CYP7B1: variants seen among roughly 807,000 people sequenced by gnomAD.
CYP7B1 encodes the protein cytochrome P450 family 7 subfamily B member 1.
Under a neutral mutation model 42.7 loss-of-function variants are expected in CYP7B1, and 29 were observed. The ratio of observed to expected loss-of-function variants is 0.68; its 90% CI spans 0.51 to 0.93. The LOEUF (loss-of-function observed/expected upper bound fraction) is 0.93, where lower values mean the gene tolerates loss of function less well. Ranked by LOEUF, CYP7B1 falls within the 40% of genes least tolerant of loss-of-function variation. The probability of loss-of-function intolerance (pLI) is 0.00; values close to 1 mark genes in which losing one functional copy is unlikely to be tolerated. For missense variants in CYP7B1, 655 were observed against 600.5 expected (o/e 1.09, Z -0.95); for synonymous variants, 235 against 218.2 (o/e 1.08, Z -0.68).
chr8:64,743,286 A>G (rs1416703083), intron 1 of CYP7B1, among the ~76,000 whole-genome samples: 1 of 152,214 alleles, frequency 6.6e-6, no homozygotes, highest in Non-Finnish European at 1.5e-5. Flanking sequence ...AGGCTTACTT[A>G]GTAGGCTCTA....
chr8:64,707,132 C>T (rs557548498), intron 1 of CYP7B1, among the ~76,000 whole-genome samples: 2 of 152,026 alleles, frequency 1.3e-5, no homozygotes, highest in East Asian at 3.9e-4. Context: ...ACAAGCCTTC[C>T]AGAGAGAAAA....
chr8:64,719,283 CATT>C (rs1308343846), intron 1 of CYP7B1, among the ~76,000 whole-genome samples: 8 of 152,126 alleles, frequency 5.3e-5, no homozygotes, highest in African/African-American at 1.7e-4. Context: ...AAATTTACAT[CATT>C]AAGATCCCCA....
At position 64,672,347 on chromosome 8, in the gene CYP7B1, T is replaced by C. The variant is rs562454258; in HGVS notation, c.123-47808A>G. Among the ~76,000 whole-genome samples, 32 of 152,228 alleles carry C rather than the reference T, an allele frequency of 2.1e-4. No individual in the cohort carries two copies. The South Asian group carries it at 6.6e-3, about 32-fold the overall frequency. The stretch of plus-strand genomic sequence containing the variant: ...TATGCAATTGCTTTTATCTGACTCA[T>C]TTGAAAGCAATATAGACATGACACT... On this transcript the variant is annotated intron_variant, in intron 1 of 5. Coordinates refer to ENST00000310193, the MANE Select transcript of CYP7B1 (RefSeq NM_004820.5).
intron 1 of CYP7B1, among the ~76,000 whole-genome samples, chr8:64,785,586 G>A (rs530729777): frequency 6.6e-6 from 1 of 152,086 alleles, no homozygotes; most frequent in Admixed American, 6.5e-5. Flanking sequence ...ATATTGCTGA[G>A]TGAAATAAGC....
intron 1 of CYP7B1, among the ~76,000 whole-genome samples, chr8:64,740,963 G>A (rs1029758231): frequency 6.6e-6 from 1 of 152,022 alleles, no homozygotes; most frequent in African/African-American, 2.4e-5. Flanking sequence ...ATTTCTTCCA[G>A]AACACTTCCT....
chr8:64,690,939 C>T lies in CYP7B1; in HGVS notation c.123-66400G>A, dbSNP rs1002396179. On this transcript the variant is annotated intron_variant, in intron 1 of 5. Transcript: ENST00000310193. ...ATATTTATGGCACGAAGGGACTGCA[C>T]ATGTGTAACTGTGCAAAATTCACCA... 3.3e-5 allele frequency among the ~76,000 whole-genome samples: 5 copies of T among 152,162 alleles called. No individual in the cohort carries two copies. In the South Asian group the frequency reaches 8.3e-4, roughly 25 times the overall value.
At chr8:64,781,014 C>T (rs1307742134) in intron 1 of CYP7B1, among the ~76,000 whole-genome samples, 1 of 152,096 alleles carries the variant, frequency 6.6e-6, no homozygotes, top group African/African-American at 2.4e-5. Context: ...AGATGCATAA[C>T]AAACATTCAA....
intron 1 of CYP7B1, among the ~76,000 whole-genome samples, chr8:64,635,027 C>T (rs1179251625): frequency 1.3e-5 from 2 of 152,200 alleles, no homozygotes; most frequent in African/African-American, 2.4e-5. Flanking sequence ...ATGGTCTCTT[C>T]AAGGTTCTAC....
At chr8:64,652,881 A>G (rs1156272935) in intron 1 of CYP7B1, among the ~76,000 whole-genome samples, 1 of 152,094 alleles carries the variant, frequency 6.6e-6, no homozygotes, top group Non-Finnish European at 1.5e-5. Flanking sequence ...AAAACTAAAA[A>G]ACAACAACAT....
At chr8:64,738,546 A>G (rs2129633229) in intron 1 of CYP7B1, among the ~76,000 whole-genome samples, 1 of 152,004 alleles carries the variant, frequency 6.6e-6, no homozygotes, top group South Asian at 2.1e-4. Flanking sequence ...ACACACACAC[A>G]CGCACACACA....
chr8:64,700,912 T>C (rs549223091), intron 1 of CYP7B1, among the ~76,000 whole-genome samples: 5 of 127,110 alleles, frequency 3.9e-5, no homozygotes, highest in African/African-American at 1.4e-4. Context: ...CCAAGGAAAT[T>C]TTAGTCACTT....
chr8:64,739,176 C>T (rs954982015), intron 1 of CYP7B1, among the ~76,000 whole-genome samples: 4 of 152,224 alleles, frequency 2.6e-5, no homozygotes, highest in Admixed American at 1.3e-4. Context: ...TTCTGTCTCA[C>T]CTAAGGGAAT....
chr8:64,617,988 T>A (rs1403745005), intron 2 of CYP7B1, among the ~76,000 whole-genome samples: 1 of 147,184 alleles, frequency 6.8e-6, no homozygotes, highest in Non-Finnish European at 1.5e-5. Context: ...TGTGAGTGGA[T>A]CTAGGATGCC....
At chr8:64,681,675 G>T (rs1386198365) in intron 1 of CYP7B1, among the ~76,000 whole-genome samples, 2 of 152,184 alleles carry the variant, frequency 1.3e-5, no homozygotes, top group Non-Finnish European at 2.9e-5. Context: ...GCAAGGAACA[G>T]AGGCCTGCTA....
chr8:64,712,468 C>A (rs982688629), intron 1 of CYP7B1, among the ~76,000 whole-genome samples: 1 of 151,866 alleles, frequency 6.6e-6, no homozygotes, highest in Non-Finnish European at 1.5e-5. Context: ...TATAAGACAT[C>A]ATATATCATC....
chr8:64,772,525 C>T (rs1804252628), intron 1 of CYP7B1, among the ~76,000 whole-genome samples: 1 of 152,194 alleles, frequency 6.6e-6, no homozygotes, highest in Admixed American at 6.5e-5. Context: ...TGCTCTGCCT[C>T]ACCCTGCAGA....
chr8:64,747,115 GTTAT>G (rs1406514939), intron 1 of CYP7B1, among the ~76,000 whole-genome samples: 1 of 148,708 alleles, frequency 6.7e-6, no homozygotes, highest in Non-Finnish European at 1.5e-5. Context: ...TATATTTATT[GTTAT>G]TTATAGATCT....
intron 1 of CYP7B1, among the ~76,000 whole-genome samples, chr8:64,656,203 T>C (rs1195570097): frequency 6.6e-6 from 1 of 152,044 alleles, no homozygotes. Flanking sequence ...AATAAATAAA[T>C]CACTACCCTA....
intron 1 of CYP7B1, among the ~76,000 whole-genome samples, chr8:64,695,003 T>C (rs113124790): frequency 0.013 from 1,981 of 152,276 alleles, 54 homozygotes; most frequent in African/African-American, 0.044. Flanking sequence ...CAATAATGCA[T>C]AAGATAAGAC....
Sources: allele counts gnomAD v4.1 joint callset (sites outside exome capture counted in the v4.1 genomes callset), GRCh38; gene constraint gnomAD v4.1.1; transcripts MANE v1.5; gene names NCBI Gene and HGNC (gene_info 2026-07-23, HGNC 2026-07-21).